ARHGAP9: variants seen among roughly 807,000 people sequenced by gnomAD.
The protein encoded by ARHGAP9 is Rho GTPase activating protein 9.
ARHGAP9 carries 76 observed loss-of-function variants against 87.3 expected under a neutral mutation model. The ratio of observed to expected loss-of-function variants is 0.87; its 90% CI spans 0.72 to 1.05. The LOEUF (loss-of-function observed/expected upper bound fraction) is 1.05. Ranked by LOEUF, ARHGAP9 falls within the 50% of genes least tolerant of loss-of-function variation. ARHGAP9 has a pLI of 0.00. For missense variants in ARHGAP9, 941 were observed against 960.5 expected (o/e 0.98, Z 0.27); for synonymous variants, 382 against 394.9 (o/e 0.97, Z 0.39).
At chr12:57,480,328 C>G (rs1327119521), upstream of ARHGAP9, among the ~76,000 whole-genome samples, 1 of 152,050 alleles carries the variant, frequency 6.6e-6, no homozygotes, top group Non-Finnish European at 1.5e-5. Flanking sequence ...ATTACAGGTG[C>G]CTGTCACCAC....
Position 57,476,527 on chromosome 12 carries a change from C to T in ARHGAP9, c.1025+63G>A, listed in dbSNP as rs936625024. ...GAATGACACGAGGAGGGTGCTCTTC[C>T]AACACCCTGCTCTACCCTATGGAGT... On this transcript the variant is annotated intron_variant, in intron 7 of 17. Coordinates refer to ENST00000393791, the MANE Select transcript of ARHGAP9 (RefSeq NM_032496.4). 45 of 1,611,328 alleles carry T rather than the reference C, an allele frequency of 2.8e-5. No individual in the cohort carries two copies. The African/African-American group carries it at 5.2e-4, about 19-fold the overall frequency.
At chr12:57,482,206 G>C (rs778863044), upstream of ARHGAP9, among the ~76,000 whole-genome samples, 22 of 151,960 alleles carry the variant, frequency 1.4e-4, no homozygotes, top group Admixed American at 7.2e-4. Flanking sequence ...CTAGGAGCTT[G>C]AGGTGCAACA....
rs140815973 is a variant in ARHGAP9 at position 57,478,562 on chromosome 12, G to A, written c.512C>T (p.Pro171Leu). The A allele has an allele frequency of 2.4e-4, 380 of 1,614,024 alleles. 1 individual carries two copies. The highest frequency in any genetic ancestry group is 9.9e-4 in the Middle Eastern group (6 of 6,042). Residue 171 changes from proline to leucine, a missense_variant, in exon 3 of 18, where the codon CCG (proline) becomes CTG (leucine). By Grantham distance (98) the Pro-to-Leu change is moderately conservative. Coordinates refer to ENST00000393791, the MANE Select transcript of ARHGAP9 (RefSeq NM_032496.4). ...CACTGTGCTGGCACTGGCTTCTGAC[G>A]GCAAGTCTTCCTGGGAGAGGGATCT... ...SGRSLSQEDL[P>L]SEASASTAGP... is the part of the protein sequence containing the mutation.
chr12:57,478,046 A>G (rs1490681536), intron 3 of ARHGAP9: 53 of 919,384 alleles, frequency 5.8e-5, no homozygotes, highest in Non-Finnish European at 7.3e-5. Context: ...GGTCTACAGA[A>G]GGGAAGAGGA....
chr12:57,478,998 G>A, intron 2 of ARHGAP9, 93 bp downstream of exon 2: 1 of 1,459,052 alleles, frequency 6.9e-7, no homozygotes, highest in East Asian at 2.3e-5. Flanking sequence ...AAGCTTGAGG[G>A]AGGGGGACCT....
rs200239940 is a variant in ARHGAP9 at position 57,473,628 on chromosome 12, G to A, written c.1999C>T (p.Arg667Trp). 31 of 1,613,546 alleles carry A rather than the reference G, an allele frequency of 1.9e-5. No homozygotes were observed. The highest frequency in any genetic ancestry group is 2.5e-5 in the Non-Finnish European group (30 of 1,179,656). Reference sequence around the variant, plus strand: ...CTGCATAAATGCTCCAGGAGGTACCGTAGAGTGTCATGGTTGGGCTTTGGC... The same window carrying A: ...CTGCATAAATGCTCCAGGAGGTACCATAGAGTGTCATGGTTGGGCTTTGGC... Reference protein sequence around the residue: ...SMPKPNHDTLRYLLEHLCRVI... With the variant: ...SMPKPNHDTLWYLLEHLCRVI... Residue 667 changes from arginine (R) to tryptophan (W), a missense_variant, in exon 17 of 18, where the codon CGG becomes TGG. Coordinates refer to ENST00000393791, the MANE Select transcript of ARHGAP9 (RefSeq NM_032496.4).
intron 1 of ARHGAP9, among the ~76,000 whole-genome samples, chr12:57,486,566 G>A (rs1433363728): frequency 2.2e-5 from 3 of 139,018 alleles, no homozygotes; most frequent in African/African-American, 7.6e-5. Context: ...CACCGCGCCC[G>A]GCCTTACTTC....
At chr12:57,478,100 C>T (rs1048931806) in intron 3 of ARHGAP9, 3 of 483,438 alleles carry the variant, frequency 6.2e-6, no homozygotes, top group Admixed American at 9.5e-5. Context: ...AAGGGCTGGG[C>T]AAGTCACATC....
At chr12:57,474,576 T>A in intron 14 of ARHGAP9, 50 bp downstream of exon 14, 1 of 1,613,308 alleles carries the variant, frequency 6.2e-7, no homozygotes, top group African/African-American at 1.3e-5. Flanking sequence ...CGCCCATGGT[T>A]CTCAGGCAAG....
intron 1 of ARHGAP9, among the ~76,000 whole-genome samples, chr12:57,486,205 C>T (rs1231323985): frequency 1.3e-5 from 2 of 152,078 alleles, no homozygotes; most frequent in African/African-American, 2.4e-5. Context: ...GTCCCTTTCT[C>T]AATAACAGGT....
chr12:57,474,332 C>G, intron 15 of ARHGAP9, 91 bp downstream of exon 15: 1 of 1,581,968 alleles, frequency 6.3e-7, no homozygotes, highest in East Asian at 2.2e-5. Flanking sequence ...ATGAGGACAA[C>G]CCTCCCAGGA....
At chr12:57,482,625 A>T (rs1875106853), upstream of ARHGAP9, among the ~76,000 whole-genome samples, 1 of 152,120 alleles carries the variant, frequency 6.6e-6, no homozygotes, top group African/African-American at 2.4e-5. Context: ...GTATCTATTG[A>T]ACCTGGGAAG....
intron 8 of ARHGAP9, 89 bp from the exon 9 acceptor site, chr12:57,476,255 C>T: frequency 2.0e-6 from 3 of 1,497,756 alleles, no homozygotes; most frequent in Non-Finnish European, 2.7e-6. Flanking sequence ...TGGGAGGCTT[C>T]CTCACTTCTT....
chr12:57,486,333 G>T (rs1420294250), intron 1 of ARHGAP9, among the ~76,000 whole-genome samples: 1 of 151,310 alleles, frequency 6.6e-6, no homozygotes, highest in African/African-American at 2.4e-5. Flanking sequence ...GTAGAGGCAC[G>T]ATCTCGGCTC....
upstream of ARHGAP9, chr12:57,480,931 G>T: frequency 8.4e-7 from 1 of 1,187,184 alleles, no homozygotes; most frequent in Non-Finnish European, 1.2e-6. Flanking sequence ...TGGGTGGCTA[G>T]TACTGGGCTT....
In ARHGAP9 at chr12:57,477,162, G is replaced by C; in HGVS notation, c.864C>G (p.Asp288Glu). 6.2e-7 allele frequency: 1 copy of C among 1,613,566 alleles called. No homozygotes were observed. Among genetic ancestry groups the C allele is most frequent in the Non-Finnish European group, 8.5e-7 (1 of 1,179,676 alleles). ...GAGATGGGAGGGATCTCACCTGTGGGTCAAGCGGTTCTGGGGTCCCTGTGT... is the reference window on the plus strand; with the variant it reads ...GAGATGGGAGGGATCTCACCTGTGGCTCAAGCGGTTCTGGGGTCCCTGTGT... Reference protein sequence around the residue: ...RSDTGTPEPLDPQGSLSLSQR... With the variant: ...RSDTGTPEPLEPQGSLSLSQR... Residue 288 changes from aspartate to glutamate, a missense_variant, in exon 5 of 18, where the codon GAC becomes GAG. Asp to Glu is a conservative substitution (Grantham distance 45, BLOSUM62 2). Coordinates refer to ENST00000393791, the MANE Select transcript of ARHGAP9 (RefSeq NM_032496.4).
chr12:57,479,228 T>C lies in ARHGAP9; in HGVS notation c.179A>G (p.Asp60Gly). 6.2e-7 allele frequency: 1 copy of C among 1,614,096 alleles called. No individual in the cohort carries two copies. ...TTCTAGGCGTCTTGCCAACCACCAG[T>C]CGGAGTTGGTCTTTCGAAGCAGTAG... ...RFLLLRKTNS[D>G]WWLARRLEAP... The change falls in exon 2 of 18, where the codon GAC becomes GGC. Residue 60 changes from aspartate to glycine, a missense_variant. By Grantham distance (94) the Asp-to-Gly change is moderately conservative (BLOSUM62 -1). Coordinates refer to ENST00000393791, the MANE Select transcript of ARHGAP9 (RefSeq NM_032496.4).
chr12:57,480,012 A>G, upstream of ARHGAP9: 9 of 1,364,454 alleles, frequency 6.6e-6, no homozygotes, highest in Non-Finnish European at 8.5e-6. Context: ...AATAAATACC[A>G]AGACCAAATC....
intron 2 of ARHGAP9, 71 bp from the exon 3 acceptor site, chr12:57,478,828 G>T: frequency 7.0e-7 from 1 of 1,419,674 alleles, no homozygotes; most frequent in Non-Finnish European, 9.6e-7. Flanking sequence ...CCCTCATCTT[G>T]GGAACTCACA....
Sources: allele counts gnomAD v4.1 joint callset (sites outside exome capture counted in the v4.1 genomes callset), GRCh38; gene constraint gnomAD v4.1.1; transcripts MANE v1.5; gene names NCBI Gene and HGNC (gene_info 2026-07-23, HGNC 2026-07-21).